FANCC: variants seen among roughly 807,000 people sequenced by gnomAD.
FANCC encodes FA complementation group C, also known as Fanconi anemia group C protein.
FANCC carries 55 observed loss-of-function variants against 71.3 expected under a neutral mutation model. That is an observed-to-expected ratio of 0.77 (90% confidence interval 0.62 to 0.97). The LOEUF is 0.97. Ranked by LOEUF, FANCC falls within the 50% of genes least tolerant of loss-of-function variation. FANCC has a pLI of 0.00. For missense variants in FANCC, 678 were observed against 670.9 expected (o/e 1.01, Z -0.12); for synonymous variants, 275 against 244.9 (o/e 1.12, Z -1.15).
chr9:95,146,739 G>A (rs921360292), intron 7 of FANCC, among the ~76,000 whole-genome samples: 11 of 151,854 alleles, frequency 7.2e-5, no homozygotes, highest in African/African-American at 2.4e-4. Context: ...AGAGCCACTC[G>A]TAACTTGGAG....
chr9:95,213,237 C>T (rs1021225209), intron 4 of FANCC, among the ~76,000 whole-genome samples: 7 of 152,110 alleles, frequency 4.6e-5, no homozygotes, highest in Admixed American at 4.6e-4. Flanking sequence ...TTCTATAGGA[C>T]ACTGCTGCCC....
At chr9:95,233,048 G>A (rs1302043307) in intron 4 of FANCC, among the ~76,000 whole-genome samples, 1 of 152,086 alleles carries the variant, frequency 6.6e-6, no homozygotes, top group Non-Finnish European at 1.5e-5. Flanking sequence ...CCCACTCCAG[G>A]AGCCACATAA....
intron 4 of FANCC, among the ~76,000 whole-genome samples, chr9:95,216,144 T>G (rs1348356963): frequency 6.6e-6 from 1 of 152,208 alleles, no homozygotes; most frequent in African/African-American, 2.4e-5. Context: ...AGTAAAAGGA[T>G]GTACCATGCA....
intron 1 of FANCC, among the ~76,000 whole-genome samples, chr9:95,289,444 A>T (rs1366132827): frequency 6.6e-6 from 1 of 152,128 alleles, no homozygotes; most frequent in African/African-American, 2.4e-5. Flanking sequence ...TAGAAATCAT[A>T]CCACAAAAAG....
At chr9:95,288,237 A>G (rs1588420919) in intron 1 of FANCC, among the ~76,000 whole-genome samples, 1 of 152,358 alleles carries the variant, frequency 6.6e-6, no homozygotes, top group East Asian at 1.9e-4. Context: ...GATTTTATTT[A>G]CAATTTCATT....
intron 1 of FANCC, chr9:95,294,672 G>C: frequency 6.3e-7 from 1 of 1,592,196 alleles, no homozygotes; most frequent in Admixed American, 1.7e-5. Context: ...TGGGGAGCTT[G>C]TTCTTCACCA....
chr9:95,233,828 T>C (rs2136008405), intron 4 of FANCC, among the ~76,000 whole-genome samples: 1 of 152,332 alleles, frequency 6.6e-6, no homozygotes, highest in Non-Finnish European at 1.5e-5. Context: ...TTTATTAATA[T>C]TTCACAAATG....
intron 4 of FANCC, among the ~76,000 whole-genome samples, chr9:95,196,058 T>C (rs1018057048): frequency 6.6e-6 from 1 of 152,246 alleles, no homozygotes; most frequent in African/African-American, 2.4e-5. Flanking sequence ...TTATATCATT[T>C]GCAAATAGCA....
Position 95,099,156 on chromosome 9 carries a change from T to TAAC in FANCC, c.*2548_*2550dup, listed in dbSNP as rs1246001128. The TAAC allele has an allele frequency of 4.6e-5, 10 of 216,446 alleles. No individual in the cohort carries two copies. The highest frequency in any genetic ancestry group is 4.1e-4 in the East Asian group (6 of 14,636). 13.4% of individuals were successfully genotyped at this position (216,446 alleles called of 1,614,324 possible). A position where few individuals can be genotyped will look rare whatever the true frequency, so the allele number is the denominator to read the frequency against. ...ACAGATGTCACGGAGTCCAGGGGAATAACAGCCTGGTTGGAGGGGCGCTCT... is the reference window on the plus strand; with the variant it reads ...ACAGATGTCACGGAGTCCAGGGGAATAACAACAGCCTGGTTGGAGGGGCGCTCT... On this transcript the variant is annotated 3_prime_UTR_variant, in exon 15 of 15. Transcript: ENST00000289081.
intron 1 of FANCC, among the ~76,000 whole-genome samples, chr9:95,262,936 T>C (rs181077293): frequency 7.2e-5 from 11 of 152,258 alleles, no homozygotes; most frequent in Admixed American, 6.5e-4. Context: ...AATTAATTCA[T>C]GAGGGGAGAC....
intron 4 of FANCC, among the ~76,000 whole-genome samples, chr9:95,235,901 T>C (rs1413653419): frequency 1.5e-5 from 2 of 132,070 alleles, no homozygotes; most frequent in Admixed American, 7.7e-5. Flanking sequence ...GGCAGGGACA[T>C]CCAGGAGCAG....
intron 1 of FANCC, among the ~76,000 whole-genome samples, chr9:95,254,959 A>G (rs189291172): frequency 6.6e-6 from 1 of 152,116 alleles, no homozygotes; most frequent in Non-Finnish European, 1.5e-5. Flanking sequence ...ACAAAGCCGC[A>G]GGGATGTTCG....
chr9:95,182,471 G>C (rs1826436561), intron 4 of FANCC, among the ~76,000 whole-genome samples: 1 of 152,220 alleles, frequency 6.6e-6, no homozygotes, highest in Non-Finnish European at 1.5e-5. Flanking sequence ...AGTTAGCCAA[G>C]ATCGCGCTAC....
At chr9:95,186,155 C>G (rs1379090419) in intron 4 of FANCC, among the ~76,000 whole-genome samples, 1 of 152,194 alleles carries the variant, frequency 6.6e-6, no homozygotes, top group Non-Finnish European at 1.5e-5. Context: ...GCTTCTCCAA[C>G]AGGAGCACAA....
intron 1 of FANCC, among the ~76,000 whole-genome samples, chr9:95,251,399 T>G (rs1291129347): frequency 1.3e-5 from 2 of 152,200 alleles, no homozygotes; most frequent in African/African-American, 4.8e-5. Context: ...CACTGCAACC[T>G]CCACCTCCTG....
At chr9:95,156,561 GA>G (rs1160828417) in intron 6 of FANCC, among the ~76,000 whole-genome samples, 1 of 152,078 alleles carries the variant, frequency 6.6e-6, no homozygotes, top group Non-Finnish European at 1.5e-5. Flanking sequence ...TCAGAAGATT[GA>G]ATTTAAAAAG....
intron 4 of FANCC, among the ~76,000 whole-genome samples, chr9:95,236,864 G>A (rs1204146254): frequency 6.6e-6 from 1 of 152,080 alleles, no homozygotes; most frequent in Non-Finnish European, 1.5e-5. Context: ...TGGATGTCAA[G>A]GTACACATCT....
At chr9:95,214,606 T>G (rs1828734002) in intron 4 of FANCC, among the ~76,000 whole-genome samples, 2 of 152,310 alleles carry the variant, frequency 1.3e-5, no homozygotes, top group Admixed American at 1.3e-4. Flanking sequence ...GCAACCCAAG[T>G]GTCCACTGAC....
intron 1 of FANCC, among the ~76,000 whole-genome samples, chr9:95,265,905 A>T (rs1479639924): frequency 6.6e-6 from 1 of 152,180 alleles, no homozygotes; most frequent in African/African-American, 2.4e-5. Context: ...CACAGATTAC[A>T]CTGTGGGAAG....
Sources: gnomAD v4.1 joint callset for allele counts (sites outside exome capture counted in the v4.1 genomes callset) on GRCh38, gnomAD v4.1.1 for gene constraint, MANE v1.5 for transcripts, NCBI Gene and HGNC (gene_info 2026-07-23, HGNC 2026-07-21) for gene names.